ITGA1: variants seen among roughly 807,000 people sequenced by gnomAD.
ITGA1 encodes integrin alpha-1.
In ITGA1, 85 loss-of-function variants were observed where a neutral mutation model predicts 145.9. The ratio of observed to expected loss-of-function variants is 0.58; its 90% CI spans 0.49 to 0.70. The LOEUF (loss-of-function observed/expected upper bound fraction) is 0.70. Ranked by LOEUF, ITGA1 falls within the 30% of genes least tolerant of loss-of-function variation. The pLI is 0.00. For synonymous variants in ITGA1, 520 were observed against 495.3 expected (o/e 1.05, Z -0.66); for missense variants, 1,351 against 1,418.7 (o/e 0.95, Z 0.77).
intron 1 of ITGA1, among the ~76,000 whole-genome samples, chr5:52,790,985 C>A (rs1315499768): frequency 1.3e-5 from 2 of 152,182 alleles, no homozygotes; most frequent in African/African-American, 4.8e-5. Flanking sequence ...CCTCTGACAT[C>A]TAAATAAACT....
intron 24 of ITGA1, among the ~76,000 whole-genome samples, chr5:52,938,665 C>G (rs546223533): frequency 6.6e-5 from 10 of 152,260 alleles, no homozygotes; most frequent in African/African-American, 2.4e-4. Flanking sequence ...ACTGGGGAAG[C>G]AAAAGGTTTA....
intron 19 of ITGA1, 111 bp from the exon 20 acceptor site, chr5:52,927,473 A>T: frequency 2.9e-6 from 2 of 680,948 alleles, no homozygotes; most frequent in Non-Finnish European, 5.1e-6. Context: ...AAATCGAGAC[A>T]AAAATAGTGG....
At chr5:52,863,549 C>A (rs1187023925) in intron 3 of ITGA1, among the ~76,000 whole-genome samples, 2 of 152,172 alleles carry the variant, frequency 1.3e-5, no homozygotes, top group African/African-American at 4.8e-5. Flanking sequence ...CCAGTATCTT[C>A]TTCCAAGTAT....
At chr5:52,832,781 G>GTGTC (rs1554042245) in intron 1 of ITGA1, among the ~76,000 whole-genome samples, 1 of 142,596 alleles carries the variant, frequency 7.0e-6, no homozygotes, top group Non-Finnish European at 1.5e-5. Context: ...GTGTGTGTGT[G>GTGTC]TGTGTGTGTG....
intron 15 of ITGA1, 69 bp downstream of exon 15, chr5:52,915,663 G>A: frequency 6.5e-7 from 1 of 1,547,366 alleles, no homozygotes; most frequent in South Asian, 1.2e-5. Context: ...TGTGATTGGA[G>A]CTCATGTCAT....
intron 1 of ITGA1, among the ~76,000 whole-genome samples, chr5:52,832,779 G>GTGTGTGTGTGTC (rs1554042263): frequency 3.8e-5 from 5 of 132,276 alleles, no homozygotes; most frequent in Admixed American, 1.5e-4. Context: ...GTGTGTGTGT[G>GTGTGTGTGTGTC]TGTGTGTGTG....
chr5:52,926,820 T>C (rs1750818776), intron 19 of ITGA1, among the ~76,000 whole-genome samples: 1 of 152,090 alleles, frequency 6.6e-6, no homozygotes. Context: ...TGGCAACCAT[T>C]TCTTGAGTCA....
chr5:52,891,830 A>AT (rs765254511), intron 8 of ITGA1, among the ~76,000 whole-genome samples: 17 of 151,786 alleles, frequency 1.1e-4, no homozygotes, highest in Non-Finnish European at 2.1e-4. Context: ...GGGATTTTTA[A>AT]ATTTTTTTGC....
At chr5:52,848,026 TA>T (rs1749365536) in intron 1 of ITGA1, among the ~76,000 whole-genome samples, 1 of 152,288 alleles carries the variant, frequency 6.6e-6, no homozygotes, top group South Asian at 2.1e-4. Flanking sequence ...ATGAGAAAAT[TA>T]AAAAGAATTA....
chr5:52,912,866 T>C (rs1750588173), intron 14 of ITGA1, among the ~76,000 whole-genome samples: 1 of 151,568 alleles, frequency 6.6e-6, no homozygotes, highest in African/African-American at 2.4e-5. Flanking sequence ...CCTGCTTTAG[T>C]CTCCCGAGGA....
intron 7 of ITGA1, among the ~76,000 whole-genome samples, chr5:52,886,161 T>C (rs1279304338): frequency 6.6e-6 from 1 of 152,182 alleles, no homozygotes; most frequent in Non-Finnish European, 1.5e-5. Context: ...TAAAGGAGCC[T>C]GACTCGGTTT....
intron 6 of ITGA1, among the ~76,000 whole-genome samples, chr5:52,875,831 C>G (rs1364795381): frequency 6.6e-6 from 1 of 152,158 alleles, no homozygotes; most frequent in Admixed American, 6.5e-5. Flanking sequence ...CACCATCTGA[C>G]TTTTGTATCA....
chr5:52,824,122 G>A (rs1580048909), intron 1 of ITGA1, among the ~76,000 whole-genome samples: 1 of 151,712 alleles, frequency 6.6e-6, no homozygotes, highest in East Asian at 1.9e-4. Context: ...TATATATATA[G>A]TAATCATTAA....
chr5:52,843,726 T>A (rs1299455177), intron 1 of ITGA1, among the ~76,000 whole-genome samples: 1 of 152,158 alleles, frequency 6.6e-6, no homozygotes, highest in African/African-American at 2.4e-5. Flanking sequence ...TTATTTTTAT[T>A]AATCAGACCA....
At chr5:52,900,528 C>A (rs1463541815) in intron 11 of ITGA1, among the ~76,000 whole-genome samples, 1 of 151,876 alleles carries the variant, frequency 6.6e-6, no homozygotes, top group Non-Finnish European at 1.5e-5. Context: ...CCTAAATGCC[C>A]GAAAATATGC....
chr5:52,822,445 C>T (rs1022381157), intron 1 of ITGA1, among the ~76,000 whole-genome samples: 9 of 152,228 alleles, frequency 5.9e-5, no homozygotes, highest in East Asian at 1.9e-4. Flanking sequence ...GGGACACTTC[C>T]GTTTGGACTG....
intron 24 of ITGA1, among the ~76,000 whole-genome samples, chr5:52,938,991 C>T (rs1455171226): frequency 6.6e-6 from 1 of 152,100 alleles, no homozygotes; most frequent in African/African-American, 2.4e-5. Context: ...CAACCTCCTC[C>T]TCCCATGTCC....
chr5:52,919,674 T>C (rs1032150503), intron 16 of ITGA1, among the ~76,000 whole-genome samples: 1 of 152,190 alleles, frequency 6.6e-6, no homozygotes, highest in Non-Finnish European at 1.5e-5. Context: ...CAATGAGGTA[T>C]AAGAACATAA....
At chr5:52,944,898 T>C in intron 26 of ITGA1, 45 bp from the exon 27 acceptor site, 1 of 1,307,918 alleles carries the variant, frequency 7.6e-7, no homozygotes, top group Non-Finnish European at 1.1e-6. Flanking sequence ...AGCTCTCATT[T>C]TGATTAGCAT....
Sources: gnomAD v4.1 joint callset for allele counts (sites outside exome capture counted in the v4.1 genomes callset) on GRCh38, gnomAD v4.1.1 for gene constraint, MANE v1.5 for transcripts, NCBI Gene and HGNC (gene_info 2026-07-23, HGNC 2026-07-21) for gene names.